Variants in UTS2 observed in about 807,000 individuals in gnomAD.
The protein encoded by UTS2 is urotensin-2.
A neutral mutation model predicts 12.6 loss-of-function variants in UTS2; 10 were observed. The ratio of observed to expected loss-of-function variants is 0.80; its 90% CI spans 0.49 to 1.35. The LOEUF (loss-of-function observed/expected upper bound fraction) is 1.35. UTS2 is among the 40% of genes most tolerant of loss of function. The pLI is 0.00. For synonymous variants in UTS2, 52 were observed against 50.0 expected, an observed-to-expected ratio of 1.04 and a Z score of -0.17; for missense variants, 142 against 143.2, an observed-to-expected ratio of 0.99 and a Z score of 0.04.
chr1:7,870,445 T>G, the UTS2 span, among the ~76,000 whole-genome samples: 11 of 152,354 alleles, frequency 7.2e-5, no homozygotes, highest in Admixed American at 7.2e-4. Context: ...TCGGTTAGTT[T>G]GTTGGTTAGC....
At chr1:7,879,343 C>T in the UTS2 span, among the ~76,000 whole-genome samples, 3 of 152,100 alleles carry the variant, frequency 2.0e-5, no homozygotes, top group East Asian at 5.8e-4. Flanking sequence ...AACTAGAAAT[C>T]AACATCAAGA....
chr1:7,870,930 T>C, the UTS2 span, among the ~76,000 whole-genome samples: 6 of 152,178 alleles, frequency 3.9e-5, no homozygotes, highest in Non-Finnish European at 8.8e-5. Context: ...CAAAAAGGAC[T>C]TATAATGTCT....
chr1:7,850,970 GTTAT>G, intron 1 of UTS2, 48 bp from the exon 2 acceptor site: 1 of 1,576,624 alleles, frequency 6.3e-7, no homozygotes, highest in Non-Finnish European at 8.7e-7. Flanking sequence ...CCTTCAGTTA[GTTAT>G]TTCTGTTCCT....
chr1:7,863,001 T>TTGTAGTGTAG, the UTS2 span, among the ~76,000 whole-genome samples: 2 of 20,298 alleles, frequency 9.9e-5, no homozygotes. Context: ...TTGTATTGTA[T>TTGTAGTGTAG]TGTATTGTAT....
the UTS2 span, among the ~76,000 whole-genome samples, chr1:7,889,837 C>T: frequency 9.9e-5 from 15 of 152,126 alleles, no homozygotes; most frequent in East Asian, 9.7e-4. Flanking sequence ...GAGGCCAAGG[C>T]GGGAGGATCA....
upstream of UTS2, among the ~76,000 whole-genome samples, chr1:7,853,965 C>T (rs960706395): frequency 2.0e-5 from 3 of 152,186 alleles, no homozygotes; most frequent in African/African-American, 7.2e-5. Flanking sequence ...CACGGTGGCT[C>T]ATGCCTGTAA....
At chr1:7,854,139 T>G (rs1236184887), upstream of UTS2, among the ~76,000 whole-genome samples, 1 of 150,466 alleles carries the variant, frequency 6.6e-6, no homozygotes, top group Non-Finnish European at 1.5e-5. Context: ...AGGTCAGGAG[T>G]TTGAGACCAG....
chr1:7,904,087 C>A, the UTS2 span, among the ~76,000 whole-genome samples: 1 of 151,956 alleles, frequency 6.6e-6, no homozygotes, highest in African/African-American at 2.4e-5. Flanking sequence ...ATAAATTTAT[C>A]TTACAATATT....
chr1:7,890,822 ATCTGAGTGACTAAGACTGTCTC>A, the UTS2 span, among the ~76,000 whole-genome samples: 1 of 146,474 alleles, frequency 6.8e-6, no homozygotes. Flanking sequence ...CAGCACTGCA[ATCTGAGTGACTAAGACTGTCTC>A]AAAAAAAAAA....
chr1:7,900,768 G>A, the UTS2 span, among the ~76,000 whole-genome samples: 18,339 of 146,674 alleles, frequency 0.13, 2,441 homozygotes, highest in East Asian at 0.56. Flanking sequence ...GCTACAGAGT[G>A]AGATTCCATC....
At chr1:7,894,877 G>A in the UTS2 span, among the ~76,000 whole-genome samples, 5 of 152,020 alleles carry the variant, frequency 3.3e-5, no homozygotes, top group African/African-American at 1.2e-4. Context: ...GCTGCAATGA[G>A]CTCTGATCAC....
chr1:7,891,084 C>T, the UTS2 span, among the ~76,000 whole-genome samples: 4 of 151,644 alleles, frequency 2.6e-5, no homozygotes, highest in Non-Finnish European at 5.9e-5. Context: ...AATGAGCTAT[C>T]GATACATGCA....
At chr1:7,877,148 A>AG in the UTS2 span, among the ~76,000 whole-genome samples, 6 of 103,712 alleles carry the variant, frequency 5.8e-5, no homozygotes, top group African/African-American at 7.2e-5. Context: ...AAAAAGAAAA[A>AG]AAAAAGAAAC....
chr1:7,856,420 A>G (rs1389101899), upstream of UTS2, among the ~76,000 whole-genome samples: 1 of 152,186 alleles, frequency 6.6e-6, no homozygotes, highest in Non-Finnish European at 1.5e-5. Flanking sequence ...GATGCCCTGG[A>G]AAAGGGGCAT....
the UTS2 span, among the ~76,000 whole-genome samples, chr1:7,860,502 T>A: frequency 6.6e-6 from 1 of 152,218 alleles, no homozygotes; most frequent in South Asian, 2.1e-4. Flanking sequence ...AAGGACTTTC[T>A]GTTTTAAAAT....
chr1:7,903,920 T>C, the UTS2 span, among the ~76,000 whole-genome samples: 2 of 152,206 alleles, frequency 1.3e-5, no homozygotes, highest in Non-Finnish European at 2.9e-5. Context: ...ACTTCAAATT[T>C]GGATTTCAAA....
the UTS2 span, among the ~76,000 whole-genome samples, chr1:7,909,720 A>T: frequency 4.0e-4 from 60 of 151,890 alleles, no homozygotes; most frequent in African/African-American, 1.2e-3. Context: ...TCCCAGGTTC[A>T]AGCAATTCTT....
chr1:7,875,982 A>C, the UTS2 span, among the ~76,000 whole-genome samples: 2 of 152,084 alleles, frequency 1.3e-5, no homozygotes, highest in Admixed American at 6.5e-5. Context: ...CTGGTACCCA[A>C]GCATACTCTC....
chr1:7,850,169 C>T (rs2097412538), intron 2 of UTS2, among the ~76,000 whole-genome samples: 1 of 151,944 alleles, frequency 6.6e-6, no homozygotes, highest in Admixed American at 6.6e-5. Flanking sequence ...GGGTTTTCAC[C>T]ATGTTGGCCA....
Sources: allele counts gnomAD v4.1 joint callset (sites outside exome capture counted in the v4.1 genomes callset), GRCh38; gene constraint gnomAD v4.1.1; transcripts MANE v1.5; gene names NCBI Gene and HGNC (gene_info 2026-07-23, HGNC 2026-07-21).